Variants in PTPN14 observed in about 807,000 individuals in gnomAD.
PTPN14 encodes protein tyrosine phosphatase non-receptor type 14, also known as tyrosine-protein phosphatase non-receptor type 14.
Under a neutral mutation model 126.8 loss-of-function variants are expected in PTPN14, and 53 were observed. The observed-to-expected ratio is 0.42, with a 90% confidence interval of 0.34 to 0.53. PTPN14 has a LOEUF of 0.53. Among genes scored for constraint, PTPN14 ranks in the 20% least tolerant of loss-of-function variants. PTPN14 has a pLI of 0.08. For missense variants in PTPN14, 1,257 were observed against 1,552.9 expected (o/e 0.81, Z 3.20); for synonymous variants, 630 against 599.3 (o/e 1.05, Z -0.75).
At chr1:214,440,084 A>G (rs539996376) in intron 3 of PTPN14, among the ~76,000 whole-genome samples, 1 of 152,096 alleles carries the variant, frequency 6.6e-6, no homozygotes, top group Non-Finnish European at 1.5e-5. Context: ...AATAAATCCT[A>G]TCTATGGGCT....
intron 3 of PTPN14, among the ~76,000 whole-genome samples, chr1:214,417,780 C>G (rs565088751): frequency 2.6e-4 from 39 of 152,290 alleles, no homozygotes; most frequent in Middle Eastern, 6.8e-3. Flanking sequence ...ACCAGGAACT[C>G]AGAGGCCGGG....
At chr1:214,447,631 A>ACC (rs1660175900) in intron 3 of PTPN14, among the ~76,000 whole-genome samples, 1 of 151,648 alleles carries the variant, frequency 6.6e-6, no homozygotes, top group African/African-American at 2.4e-5. Context: ...TCACTCTGAC[A>ACC]CCCCTTGGCA....
chr1:214,440,475 A>G (rs1351354918), intron 3 of PTPN14, among the ~76,000 whole-genome samples: 2 of 152,258 alleles, frequency 1.3e-5, no homozygotes, highest in African/African-American at 2.4e-5. Context: ...GGAAATCTGA[A>G]TAATTTGAGC....
chr1:214,429,455 A>AT (rs1659748093), intron 3 of PTPN14, among the ~76,000 whole-genome samples: 1 of 152,226 alleles, frequency 6.6e-6, no homozygotes, highest in Non-Finnish European at 1.5e-5. Flanking sequence ...ATGCTTTTAT[A>AT]ATTCTTAATT....
chr1:214,522,699 A>T (rs898769576), intron 1 of PTPN14, among the ~76,000 whole-genome samples: 2 of 152,244 alleles, frequency 1.3e-5, no homozygotes, highest in African/African-American at 4.8e-5. Flanking sequence ...GGCCGTTTTA[A>T]ATAAAGGACA....
At chr1:214,479,509 T>A (rs967038686) in intron 1 of PTPN14, among the ~76,000 whole-genome samples, 10 of 152,090 alleles carry the variant, frequency 6.6e-5, no homozygotes, top group African/African-American at 2.2e-4. Flanking sequence ...CCGGCTAATT[T>A]TTGTATTTTT....
chr1:214,477,048 A>G (rs549764292), intron 1 of PTPN14, among the ~76,000 whole-genome samples: 5 of 152,284 alleles, frequency 3.3e-5, no homozygotes, highest in East Asian at 1.9e-4. Context: ...AAAATATGAA[A>G]CCAAAACATG....
Position 214,442,664 on chromosome 1 carries a change from G to T in PTPN14, c.344+9141C>A, listed in dbSNP as rs563214791. ...AGAACACTGATTTATTTTACTATTTGTTTTCCCTAAAGGGAAAGAATATCA... is the reference window on the plus strand; with the variant it reads ...AGAACACTGATTTATTTTACTATTTTTTTTCCCTAAAGGGAAAGAATATCA... On this transcript the variant is annotated intron_variant, in intron 3 of 18. Coordinates refer to ENST00000366956, the MANE Select transcript of PTPN14 (RefSeq NM_005401.5). Among the ~76,000 whole-genome samples the T allele has an allele frequency of 8.5e-5, 13 of 152,178 alleles. No individual in the cohort carries two copies. The East Asian group carries it at 2.3e-3, about 27-fold the overall frequency.
In PTPN14 at chr1:214,383,339, C is replaced by T. The variant is rs781746617; in HGVS notation, c.2516G>A (p.Ser839Asn). ...PVSEMFSLED[S>N]IIEREMMIRN... ...GATCATCATCTCTCTCTCTATAATG[C>T]TGTCTTCCAGGGAAAACATTTCAGA... The change falls in exon 13 of 19, where the codon AGC (serine) becomes AAC (asparagine). Residue 839 changes from serine to asparagine, a missense_variant. Around this residue, in one of 3 missense-constraint regions of PTPN14, gnomAD observed 1,021 missense variants for 1,183.3 expected, o/e 0.86. Coordinates refer to ENST00000366956, the MANE Select transcript of PTPN14 (RefSeq NM_005401.5). The surrounding 1 kb of genome is among the most constrained non-coding windows in gnomAD (Gnocchi z 4.4). 4 of 1,613,928 alleles carry T rather than the reference C, an allele frequency of 2.5e-6. No individual in the cohort carries two copies. The highest frequency in any genetic ancestry group is 3.4e-6 in the Non-Finnish European group (4 of 1,179,900).
chr1:214,415,875 T>A (rs1466053576), intron 3 of PTPN14, among the ~76,000 whole-genome samples: 2 of 152,216 alleles, frequency 1.3e-5, no homozygotes, highest in African/African-American at 4.8e-5. Context: ...TGGGAGTTAC[T>A]TAAAAATCCT....
At chr1:214,372,909 C>T (rs913075872) in intron 15 of PTPN14, 70 bp from the exon 16 acceptor site, 1 of 1,584,176 alleles carries the variant, frequency 6.3e-7, no homozygotes, top group Non-Finnish European at 8.6e-7. Context: ...ATCACCTGTC[C>T]ATCTGTATCC....
rs892850058 is a variant in PTPN14, at chr1:214,352,828, A to G, written c.*5094T>C. 1.3e-5 allele frequency: 2 copies of G among 152,238 alleles called. No homozygotes were observed. The highest frequency in any genetic ancestry group is 1.3e-4 in the Admixed American group (2 of 15,288). 9.4% of individuals were successfully genotyped at this position (152,238 alleles called of 1,614,324 possible). On this transcript the variant is annotated 3_prime_UTR_variant, in exon 19 of 19. Coordinates refer to ENST00000366956, the MANE Select transcript of PTPN14 (RefSeq NM_005401.5). ...TGAAAAGAAATCACTAAATAAGAGCATGATGAGTGTCTCAAAACCATTGGC... is the reference window on the plus strand; with the variant it reads ...TGAAAAGAAATCACTAAATAAGAGCGTGATGAGTGTCTCAAAACCATTGGC...
chr1:214,451,267 C>T (rs916286326), intron 3 of PTPN14, among the ~76,000 whole-genome samples: 1 of 152,050 alleles, frequency 6.6e-6, no homozygotes, highest in Non-Finnish European at 1.5e-5. Flanking sequence ...CTCAAGTGAT[C>T]TTCCAACCTC....
In PTPN14 at chr1:214,456,675, G is replaced by A. The variant is rs1413790873; in HGVS notation, c.175-4701C>T. On this transcript the variant is annotated intron_variant, in intron 2 of 18. Transcript: ENST00000366956. ...AAAAACCACTCTTCTGAGACTGTAC[G>A]ACTCACCTAGAATACACAGAAAGAT... Among the ~76,000 whole-genome samples, 8 of 152,224 alleles carry A rather than the reference G, an allele frequency of 5.3e-5. No homozygotes were observed. The East Asian group carries it at 9.6e-4, about 18-fold the overall frequency.
At chr1:214,463,930 G>C (rs549490288) in intron 2 of PTPN14, among the ~76,000 whole-genome samples, 29 of 152,250 alleles carry the variant, frequency 1.9e-4, no homozygotes, top group African/African-American at 6.5e-4. Flanking sequence ...CTAAACGTCT[G>C]TATGACTGAA....
chr1:214,515,401 G>A (rs1478384793), intron 1 of PTPN14, among the ~76,000 whole-genome samples: 1 of 151,914 alleles, frequency 6.6e-6, no homozygotes, highest in African/African-American at 2.4e-5. Flanking sequence ...ATTAGAAAAT[G>A]TGAGTCTTCC....
intron 17 of PTPN14, among the ~76,000 whole-genome samples, chr1:214,365,600 G>A (rs1658062416): frequency 1.3e-5 from 2 of 152,116 alleles, no homozygotes; most frequent in African/African-American, 4.8e-5. Context: ...CCAGACTATA[G>A]GGGAAATGTT....
chr1:214,454,537 A>G (rs1660339644), intron 2 of PTPN14, among the ~76,000 whole-genome samples: 1 of 152,172 alleles, frequency 6.6e-6, no homozygotes, highest in Admixed American at 6.5e-5. Flanking sequence ...GTATGTGCAC[A>G]CATACAACAC....
intron 5 of PTPN14, among the ~76,000 whole-genome samples, chr1:214,403,768 G>T (rs1047646767): frequency 6.6e-6 from 1 of 152,244 alleles, no homozygotes; most frequent in Non-Finnish European, 1.5e-5. Flanking sequence ...GCATTCTTGA[G>T]AAATTGATAG....
Sources: allele counts gnomAD v4.1 joint callset (sites outside exome capture counted in the v4.1 genomes callset), GRCh38; gene constraint gnomAD v4.1.1; regional missense constraint gnomAD v4.1.1; non-coding constraint Gnocchi (gnomAD v3.1); transcripts MANE v1.5; gene names NCBI Gene and HGNC (gene_info 2026-07-23, HGNC 2026-07-21).